Variants in P4HA2 observed in about 807,000 individuals in gnomAD.
The protein encoded by P4HA2 is prolyl 4-hydroxylase subunit alpha 2.
A neutral mutation model predicts 76.9 loss-of-function variants in P4HA2; 46 were observed. That is an observed-to-expected ratio of 0.60 (90% CI 0.47 to 0.76). The LOEUF (loss-of-function observed/expected upper bound fraction) is 0.76, where lower values mean the gene tolerates loss of function less well. Ranked by LOEUF, P4HA2 falls within the 30% of genes least tolerant of loss-of-function variation. P4HA2 has a pLI of 0.00. For synonymous variants in P4HA2, 243 were observed against 254.0 expected (o/e 0.96, Z 0.41); for missense variants, 583 against 669.4 (o/e 0.87, Z 1.42).
chr5:132,198,979 CT>C, intron 10 of P4HA2, 47 bp from the exon 11 acceptor site: 1 of 1,278,700 alleles, frequency 7.8e-7, no homozygotes, highest in Non-Finnish European at 1.1e-6. Context: ...ATGAACAGCT[CT>C]GTAGCAGCCA....
intron 6 of P4HA2, 81 bp downstream of exon 6, chr5:132,210,203 A>G: frequency 6.7e-7 from 1 of 1,497,434 alleles, no homozygotes; most frequent in Non-Finnish European, 9.2e-7. Flanking sequence ...GTCCCAGGAG[A>G]GGGGTCAGGC....
chr5:132,197,622 A>AG (rs1750833914), intron 12 of P4HA2, among the ~76,000 whole-genome samples: 1 of 151,354 alleles, frequency 6.6e-6, no homozygotes, highest in African/African-American at 2.4e-5. Flanking sequence ...AAAAAAAAAA[A>AG]AAAAAAAAAG....
intron 5 of P4HA2, among the ~76,000 whole-genome samples, chr5:132,211,877 T>C (rs1446494523): frequency 6.6e-6 from 1 of 152,180 alleles, no homozygotes; most frequent in Non-Finnish European, 1.5e-5. Context: ...GTGGCAAGAA[T>C]TCAATAAGAT....
intron 4 of P4HA2, among the ~76,000 whole-genome samples, chr5:132,214,536 A>C (rs917849131): frequency 1.3e-5 from 2 of 152,200 alleles, no homozygotes; most frequent in Non-Finnish European, 2.9e-5. Context: ...CAAGTTGAGG[A>C]GTCCAAGGGA....
chr5:132,210,756 C>T (rs749445164), intron 5 of P4HA2, among the ~76,000 whole-genome samples: 49 of 152,164 alleles, frequency 3.2e-4, no homozygotes, highest in Admixed American at 3.9e-4. Flanking sequence ...GATTCCCCAT[C>T]TCCCAAGTGG....
At chr5:132,213,863 C>A in intron 5 of P4HA2, 53 bp downstream of exon 5, 6 of 1,587,302 alleles carry the variant, frequency 3.8e-6, no homozygotes, top group Non-Finnish European at 5.2e-6. Flanking sequence ...CCAACCTGTC[C>A]CGCCACTAAA....
At chr5:132,215,978 G>A (rs1753811880) in intron 4 of P4HA2, among the ~76,000 whole-genome samples, 1 of 150,078 alleles carries the variant, frequency 6.7e-6, no homozygotes, top group African/African-American at 2.5e-5. Flanking sequence ...TAGCCAACAT[G>A]GTGAAACCCT....
At chr5:132,215,811 C>T (rs1049952461) in intron 4 of P4HA2, among the ~76,000 whole-genome samples, 5 of 140,468 alleles carry the variant, frequency 3.6e-5, no homozygotes, top group Non-Finnish European at 6.0e-5. Flanking sequence ...ATAGCCACTG[C>T]ACTCCAGTCT....
chr5:132,205,887 C>T (rs1465366001), intron 8 of P4HA2, among the ~76,000 whole-genome samples: 7 of 152,158 alleles, frequency 4.6e-5, no homozygotes. Context: ...TGCTCTGCCC[C>T]AGGGGAAGCA....
chr5:132,198,383 G>A lies in P4HA2; in HGVS notation c.1306-3C>T, dbSNP rs1172524929. 1 of 1,612,846 alleles carries A rather than the reference G, an allele frequency of 6.2e-7. No homozygotes were observed. ...TTGAGGCCGCTGTCAAAAGGTCGCT[G>A]CAACAGACAACAACTTTCACCCAAG... On this transcript the variant is annotated splice_polypyrimidine_tract_variant and splice_region_variant and intron_variant, in intron 11 of 14. Transcript: ENST00000360568.
In P4HA2 at chr5:132,213,967, G is replaced by A; in HGVS notation, c.418C>T (p.Gln140Ter). The change falls in exon 5 of 15, where the codon CAG becomes TAG. Residue 140 changes from glutamine to a stop codon, truncating the protein, a stop_gained. Coordinates refer to ENST00000360568, the MANE Select transcript of P4HA2 (RefSeq NM_001017974.2). LOFTEE classifies it high-confidence loss of function. The part of the protein sequence containing the change: ...IGAAKALMRL[Q>*]DTYRLDPGTI... ...CCTGGGTCCAGCCTGTATGTGTCCT[G>A]AAGTCTCATCAGGGCTTTGGCAGCT... is the stretch of plus-strand genomic sequence containing the variant. 6.2e-7 allele frequency: 1 copy of A among 1,614,138 alleles called. No homozygotes were observed. Among genetic ancestry groups the A allele is most frequent in the Non-Finnish European group, 8.5e-7 (1 of 1,179,940 alleles).
chr5:132,214,027 G>A lies in P4HA2; in HGVS notation c.358C>T (p.Arg120Trp), dbSNP rs147775773. 2.3e-5 allele frequency: 37 copies of A among 1,613,886 alleles called. No homozygotes were observed. Among genetic ancestry groups the A allele is most frequent in the African/African-American group, 1.5e-4 (11 of 74,932 alleles). Residue 120 changes from arginine (R) to tryptophan (W), a missense_variant, in exon 5 of 15, where the codon CGG (arginine) becomes TGG (tryptophan). Transcript: ENST00000360568. ...AGFIANLSVQ[R>W]QFFPTDEDEI... ...TCCTCATCAGTGGGGAAGAACTGCC[G>A]CTGCACAGAGAGGTTGGCGATAAAA...
chr5:132,213,931 T>C lies in P4HA2; in HGVS notation c.454A>G (p.Arg152Gly), dbSNP rs201041856. The stretch of plus-strand genomic sequence containing the variant: ...GGTGAGTTACCTGGAAGTTCCCCTC[T>C]GGAAATTGTGCCTGGGTCCAGCCTG... ...TYRLDPGTIS[R>G]GELPGTKYQA... The change falls in exon 5 of 15, where the codon AGA becomes GGA. Residue 152 changes from arginine to glycine, a missense_variant. Transcript: ENST00000360568. The C allele has an allele frequency of 1.2e-6, 2 of 1,613,986 alleles. No homozygotes were observed. Among genetic ancestry groups the C allele is most frequent in the Non-Finnish European group, 1.7e-6 (2 of 1,179,976 alleles).
At position 132,210,588 on chromosome 5, in the gene P4HA2, C is replaced by A. The variant is rs1752944237; in HGVS notation, c.470-65G>T. On this transcript the variant is annotated intron_variant, in intron 5 of 14. Coordinates refer to ENST00000360568, the MANE Select transcript of P4HA2 (RefSeq NM_001017974.2). ...TCTGGATTAGGGAAAGAGATTCCCA[C>A]TTCAAGGAAAGCCTGAGCCACTGGA... The A allele has an allele frequency of 9.6e-6, 15 of 1,564,078 alleles. No individual in the cohort carries two copies. In the South Asian group the frequency reaches 1.7e-4, roughly 18 times the overall value.
chr5:132,210,386 T>C lies in P4HA2; in HGVS notation c.607A>G (p.Thr203Ala). 3 of 1,614,132 alleles carry C rather than the reference T, an allele frequency of 1.9e-6. No individual in the cohort carries two copies. Among genetic ancestry groups the C allele is most frequent in the Non-Finnish European group, 2.5e-6 (3 of 1,180,020 alleles). ...TCCAGCACCTGTGACTTGGTTGTGG[T>C]GGCCTCCTCCCCGGCATCAAGCTGC... The part of the protein sequence containing the change: ...LKQLDAGEEA[T>A]TTKSQVLDYL... Residue 203 changes from threonine (T) to alanine (A), a missense_variant, in exon 6 of 15, where the codon ACC becomes GCC. Physicochemically the swap from Thr to Ala is moderately conservative, Grantham distance 58. Coordinates refer to ENST00000360568, the MANE Select transcript of P4HA2 (RefSeq NM_001017974.2).
chr5:132,192,936 A>G lies in P4HA2; in HGVS notation c.*74T>C. 1 of 960,936 alleles carries G rather than the reference A, an allele frequency of 1.0e-6. No homozygotes were observed. The highest frequency in any genetic ancestry group is 1.7e-6 in the Non-Finnish European group (1 of 591,416). The allele number at this position is 960,936 out of a possible 1,614,324, so 59.5% of individuals were successfully genotyped here. A position where few individuals can be genotyped will look rare whatever the true frequency, so the allele number is the denominator to read the frequency against. On this transcript the variant is annotated 3_prime_UTR_variant, in exon 15 of 15. Transcript: ENST00000360568. ...AAAAATCAGCCTGATAGGAACATACAAAGGAACATACAAAGGTGTCTGTCA... is the reference window on the plus strand; with the variant it reads ...AAAAATCAGCCTGATAGGAACATACGAAGGAACATACAAAGGTGTCTGTCA...
Position 132,217,232 on chromosome 5 carries a change from G to T in P4HA2, c.296C>A (p.Ala99Glu). 6.2e-7 allele frequency: 1 copy of T among 1,614,156 alleles called. No individual in the cohort carries two copies. ...GTCCTGCAGGACAAGGTCCTCCAGC[G>T]CAGGCCAGTCTGTGTTTAGCCGCTT... is the stretch of plus-strand genomic sequence containing the variant. ...LVKRLNTDWP[A>E]LEDLVLQDSA... Residue 99 changes from alanine to glutamate, a missense_variant, in exon 4 of 15, where the codon GCG becomes GAG. Ala to Glu is a moderately radical substitution (Grantham distance 107). Coordinates refer to ENST00000360568, the MANE Select transcript of P4HA2 (RefSeq NM_001017974.2).
intron 5 of P4HA2, 91 bp downstream of exon 5, chr5:132,213,825 G>A (rs1326022382): frequency 3.9e-6 from 5 of 1,266,994 alleles, no homozygotes; most frequent in Non-Finnish European, 5.6e-6. Context: ...GTGCACCCGA[G>A]GTTAAAGGCC....
Position 132,192,818 on chromosome 5 carries a change from T to A in P4HA2, c.*192A>T, listed in dbSNP as rs1001563728. 1.8e-6 allele frequency: 1 copy of A among 553,936 alleles called. No individual in the cohort carries two copies. Among genetic ancestry groups the A allele is most frequent in the Non-Finnish European group, 3.2e-6 (1 of 308,554 alleles). 34.3% of individuals were successfully genotyped at this position (553,936 alleles called of 1,614,324 possible). A position where few individuals can be genotyped will look rare whatever the true frequency, so the allele number is the denominator to read the frequency against. On this transcript the variant is annotated 3_prime_UTR_variant, in exon 15 of 15. Coordinates refer to ENST00000360568, the MANE Select transcript of P4HA2 (RefSeq NM_001017974.2). ...TTGATCCTAGCCTTGGGGCCAGGGA[T>A]GGCACAGGCTGAATGGAAGGGCTGG...
Sources: gnomAD v4.1 joint callset for allele counts (sites outside exome capture counted in the v4.1 genomes callset) on GRCh38, gnomAD v4.1.1 for gene constraint, MANE v1.5 for transcripts, NCBI Gene and HGNC (gene_info 2026-07-23, HGNC 2026-07-21) for gene names.